The following PCDH9 variants were observed in gnomAD, a reference collection of about 807,000 sequenced individuals.
The protein encoded by PCDH9 is protocadherin 9, also known as protocadherin-9.
A neutral mutation model predicts 70.6 loss-of-function variants in PCDH9; 24 were observed. The ratio of observed to expected loss-of-function variants is 0.34; its 90% CI spans 0.25 to 0.48. PCDH9 has a LOEUF of 0.48. Among genes scored for constraint, PCDH9 ranks in the 20% least tolerant of loss-of-function variants. The probability of loss-of-function intolerance (pLI) is 0.99; values close to 1 mark genes in which losing one functional copy is unlikely to be tolerated. For missense variants in PCDH9, 1,281 were observed against 1,503.6 expected, an observed-to-expected ratio of 0.85 and a Z score of 2.45; for synonymous variants, 562 against 558.5, an observed-to-expected ratio of 1.01 and a Z score of -0.09.
intron 2 of PCDH9, among the ~76,000 whole-genome samples, chr13:67,067,486 G>A (rs913314394): frequency 1.3e-5 from 2 of 151,886 alleles, no homozygotes; most frequent in Non-Finnish European, 2.9e-5. Flanking sequence ...TCAATGCTTA[G>A]TTGCCACCTG....
intron 4 of PCDH9, among the ~76,000 whole-genome samples, chr13:66,484,168 G>A (rs1958896697): frequency 6.6e-6 from 1 of 152,122 alleles, no homozygotes; most frequent in South Asian, 2.1e-4. Context: ...ACCAAGGCGA[G>A]AAACCCCGGG....
intron 4 of PCDH9, among the ~76,000 whole-genome samples, chr13:66,405,930 A>AG (rs56065420): frequency 0.96 from 146,165 of 152,096 alleles, 70,528 homozygotes; most frequent in Non-Finnish European, 1. Context: ...ATTATGTATA[A>AG]GGGACTGATT....
At chr13:67,217,554 TA>T (rs1427514151) in intron 2 of PCDH9, 1 of 152,130 alleles carries the variant, frequency 6.6e-6, no homozygotes, top group Non-Finnish European at 1.5e-5. Context: ...GTCATGAAGC[TA>T]AATATATTGA....
intron 3 of PCDH9, among the ~76,000 whole-genome samples, chr13:66,693,413 A>G (rs2078515649): frequency 6.6e-6 from 1 of 152,194 alleles, no homozygotes; most frequent in South Asian, 2.1e-4. Flanking sequence ...AATAGAAAAT[A>G]AAAGTGTATA....
intron 2 of PCDH9, chr13:67,203,749 A>G (rs918464248): frequency 1.3e-5 from 2 of 152,120 alleles, no homozygotes; most frequent in African/African-American, 2.4e-5. Flanking sequence ...ATCACAAATT[A>G]TGTATAAATA....
chr13:66,640,552 C>G (rs1222022788), intron 3 of PCDH9, among the ~76,000 whole-genome samples: 1 of 152,052 alleles, frequency 6.6e-6, no homozygotes, highest in Non-Finnish European at 1.5e-5. Context: ...CACACACACA[C>G]ACACACACAT....
Position 66,871,343 on chromosome 13 carries a change from A to C in PCDH9, c.3138+32161T>G, listed in dbSNP as rs1211565894. Among the ~76,000 whole-genome samples the C allele has an allele frequency of 9.0e-4, 136 of 151,870 alleles. 2 individuals are homozygous for C. Among genetic ancestry groups the C allele is most frequent in the Non-Finnish European group, 2.5e-4 (17 of 67,922 alleles). ...GCATGGCACATGTATACATATGTAA[A>C]TAACCTGCACATTGTGCACATGTAC... On this transcript the variant is annotated intron_variant, in intron 3 of 4. Transcript: ENST00000377865.
intron 3 of PCDH9, among the ~76,000 whole-genome samples, chr13:66,726,552 T>C (rs9540878): frequency 0.14 from 20,832 of 152,108 alleles, 1,609 homozygotes; most frequent in African/African-American, 0.2. Context: ...GCTCTGAAAA[T>C]AAATTCTCAT....
chr13:66,366,035 A>G (rs1956548456), intron 4 of PCDH9, among the ~76,000 whole-genome samples: 1 of 152,132 alleles, frequency 6.6e-6, no homozygotes, highest in Admixed American at 6.6e-5. Flanking sequence ...CAGTTTCAGA[A>G]TCACTCAAAA....
intron 3 of PCDH9, among the ~76,000 whole-genome samples, chr13:66,754,243 T>G (rs2079505938): frequency 1.3e-5 from 2 of 151,588 alleles, no homozygotes; most frequent in African/African-American, 4.8e-5. Context: ...GGAGGGCAAG[T>G]GGAGGAATAG....
intron 3 of PCDH9, among the ~76,000 whole-genome samples, chr13:66,705,067 T>C (rs1157605637): frequency 1.3e-5 from 2 of 152,160 alleles, no homozygotes; most frequent in Non-Finnish European, 2.9e-5. Context: ...CTTTTCTCTA[T>C]CCAGTAAGCA....
At chr13:66,635,142 T>A (rs1160075690) in intron 3 of PCDH9, among the ~76,000 whole-genome samples, 1 of 152,186 alleles carries the variant, frequency 6.6e-6, no homozygotes, top group Non-Finnish European at 1.5e-5. Context: ...GGACAACACA[T>A]ATTACAGTGA....
At chr13:66,684,145 GTTA>G (rs1310885137) in intron 3 of PCDH9, among the ~76,000 whole-genome samples, 1 of 152,058 alleles carries the variant, frequency 6.6e-6, no homozygotes, top group Non-Finnish European at 1.5e-5. Context: ...AATGTCTGGA[GTTA>G]TTATACACTC....
intron 3 of PCDH9, among the ~76,000 whole-genome samples, chr13:66,788,648 A>ATTTTTTTTTTT (rs58386697): frequency 2.4e-5 from 2 of 81,886 alleles, no homozygotes; most frequent in African/African-American, 5.1e-5. Flanking sequence ...CTAAACAGTA[A>ATTTTTTTTTTT]TTTTTTTTTT....
intron 2 of PCDH9, among the ~76,000 whole-genome samples, chr13:67,018,276 AATTG>A (rs906232768): frequency 3.4e-5 from 5 of 148,968 alleles, no homozygotes; most frequent in African/African-American, 9.7e-5. Context: ...TGGGTAAATT[AATTG>A]ATTAATATTG....
chr13:67,228,532 A>G lies in PCDH9; in HGVS notation c.-92T>C. 2 of 1,011,806 alleles carry G rather than the reference A, an allele frequency of 2.0e-6. No individual in the cohort carries two copies. Among genetic ancestry groups the G allele is most frequent in the South Asian group, 1.7e-5 (1 of 57,330 alleles). 62.7% of individuals were successfully genotyped at this position (1,011,806 alleles called of 1,614,324 possible). ...AAATTGCAAGAGGAAGCGTGCATGGACTGGAGGATGCATTATATCTCATCA... is the reference window on the plus strand; with the variant it reads ...AAATTGCAAGAGGAAGCGTGCATGGGCTGGAGGATGCATTATATCTCATCA... On this transcript the variant is annotated 5_prime_UTR_variant, in exon 2 of 5. Coordinates refer to ENST00000377865, the MANE Select transcript of PCDH9 (RefSeq NM_203487.3).
intron 2 of PCDH9, among the ~76,000 whole-genome samples, chr13:66,947,881 T>C (rs2083114556): frequency 6.6e-6 from 1 of 152,084 alleles, no homozygotes. Flanking sequence ...GGTGAATCTG[T>C]CTTCAGTGAG....
chr13:66,956,386 A>G (rs949837518), intron 2 of PCDH9, among the ~76,000 whole-genome samples: 2 of 152,190 alleles, frequency 1.3e-5, no homozygotes, highest in Non-Finnish European at 2.9e-5. Context: ...ATGAGGCTTA[A>G]ATTAAGTATT....
chr13:67,181,354 G>A (rs897818441), intron 2 of PCDH9, among the ~76,000 whole-genome samples: 1 of 152,104 alleles, frequency 6.6e-6, no homozygotes, highest in Non-Finnish European at 1.5e-5. Context: ...GAAATCATTG[G>A]TGTCATTAAG....
Sources: allele counts gnomAD v4.1 joint callset (sites outside exome capture counted in the v4.1 genomes callset), GRCh38; gene constraint gnomAD v4.1.1; transcripts MANE v1.5; gene names NCBI Gene and HGNC (gene_info 2026-07-23, HGNC 2026-07-21).